Variants in SCAPER observed in about 807,000 individuals in gnomAD.
SCAPER encodes the protein S-phase cyclin A associated protein in the ER.
Under a neutral mutation model 182.2 loss-of-function variants are expected in SCAPER, and 98 were observed. The ratio of observed to expected loss-of-function variants is 0.54; its 90% CI spans 0.46 to 0.64. The LOEUF (loss-of-function observed/expected upper bound fraction) is 0.64, where lower values mean the gene tolerates loss of function less well. Ranked by LOEUF, SCAPER falls within the 30% of genes least tolerant of loss-of-function variation. The pLI, the probability that SCAPER is intolerant of heterozygous loss-of-function variation, is 0.00. For synonymous variants in SCAPER, 605 were observed against 564.6 expected, an observed-to-expected ratio of 1.07 and a Z score of -1.01; for missense variants, 1,432 against 1,690.0, an observed-to-expected ratio of 0.85 and a Z score of 2.68.
intron 21 of SCAPER, among the ~76,000 whole-genome samples, chr15:76,663,872 A>C (rs2056381195): frequency 6.6e-6 from 1 of 152,192 alleles, no homozygotes; most frequent in Admixed American, 6.6e-5. Context: ...ATCAATGAAA[A>C]AAGTCAATAG....
At chr15:76,417,954 G>C (rs954127063) in intron 26 of SCAPER, among the ~76,000 whole-genome samples, 32 of 152,112 alleles carry the variant, frequency 2.1e-4, no homozygotes, top group African/African-American at 7.5e-4. Context: ...GGAGGCGGAG[G>C]GTTCAGCGAG....
intron 2 of SCAPER, among the ~76,000 whole-genome samples, chr15:76,865,643 T>C (rs775724995): frequency 6.6e-6 from 1 of 152,048 alleles, no homozygotes; most frequent in Admixed American, 6.6e-5. Context: ...GGAATGACAA[T>C]AGGTGCTAAA....
At chr15:76,509,983 C>A (rs953803704) in intron 23 of SCAPER, among the ~76,000 whole-genome samples, 1 of 152,118 alleles carries the variant, frequency 6.6e-6, no homozygotes, top group Non-Finnish European at 1.5e-5. Context: ...GTAAAGGACA[C>A]CATATTCAAC....
chr15:76,811,081 A>G (rs2151576219), intron 5 of SCAPER, among the ~76,000 whole-genome samples: 1 of 151,584 alleles, frequency 6.6e-6, no homozygotes, highest in South Asian at 2.1e-4. Context: ...TCAATAATAG[A>G]AGACTGCAAT....
intron 14 of SCAPER, among the ~76,000 whole-genome samples, chr15:76,764,000 G>A (rs983474059): frequency 6.6e-6 from 1 of 151,420 alleles, no homozygotes; most frequent in African/African-American, 2.4e-5. Context: ...TTCTCTTGGT[G>A]GTATCAAGTT....
Position 76,728,716 on chromosome 15 carries a change from C to T in SCAPER, c.2044G>A (p.Ala682Thr). ...AVQERKRALE[A>T]ERQARVEELL... The stretch of plus-strand genomic sequence containing the variant: ...TCTTCTACACGGGCCTGCCGCTCTG[C>T]CTCTAGAGCTCTCTTGCGTTCCTAA... Residue 682 changes from alanine to threonine, a missense_variant, in exon 17 of 32, where the codon GCA becomes ACA. Ala to Thr is a moderately conservative substitution (Grantham distance 58, BLOSUM62 0). Around this residue, in one of 5 missense-constraint regions of SCAPER, gnomAD observed 88 missense variants for 184.2 expected, o/e 0.48. Transcript: ENST00000563290. 1 of 1,613,186 alleles carries T rather than the reference C, an allele frequency of 6.2e-7. No homozygotes were observed. The highest frequency in any genetic ancestry group is 8.5e-7 in the Non-Finnish European group (1 of 1,179,524).
At position 76,637,738 on chromosome 15, in the gene SCAPER, ATATATGTGTGTG is replaced by A. The variant is rs1425898204; in HGVS notation, c.2646-15921_2646-15910del. On this transcript the variant is annotated intron_variant, in intron 21 of 31. Coordinates refer to ENST00000563290, the MANE Select transcript of SCAPER (RefSeq NM_020843.4). ...TATATGTGATTATATATATATATAT[ATATATGTGTGTG>A]TGTGTGTGTGTGTGTGTGTGTGTGT... 1.0e-3 allele frequency among the ~76,000 whole-genome samples: 30 copies of A among 28,738 alleles called. 1 individual carries two copies. Among genetic ancestry groups the A allele is most frequent in the African/African-American group, 2.8e-3 (29 of 10,234 alleles). 18.9% of individuals were successfully genotyped at this position (28,738 alleles called of 152,430 possible).
At chr15:76,403,792 G>T (rs574865130) in intron 27 of SCAPER, among the ~76,000 whole-genome samples, 2 of 152,274 alleles carry the variant, frequency 1.3e-5, no homozygotes, top group South Asian at 4.1e-4. Flanking sequence ...AAAAATGGAG[G>T]CACTATTATC....
chr15:76,899,908 G>A (rs1286547331), intron 1 of SCAPER, among the ~76,000 whole-genome samples: 1 of 152,228 alleles, frequency 6.6e-6, no homozygotes, highest in Non-Finnish European at 1.5e-5. Flanking sequence ...AGAAAAGGGG[G>A]AAATGTGGGG....
chr15:76,351,228 G>T lies in SCAPER; in HGVS notation c.4099+9C>A. The T allele has an allele frequency of 1.2e-6, 2 of 1,605,694 alleles. No homozygotes were observed. Among genetic ancestry groups the T allele is most frequent in the Non-Finnish European group, 8.5e-7 (1 of 1,175,740 alleles). ...AAACACATGAAATTTAATTTCAATA[G>T]AGACATACCTTTGGGTTGGTAAGGC... On this transcript the variant is annotated intron_variant, in intron 31 of 31. Transcript: ENST00000563290.
intron 23 of SCAPER, chr15:76,567,249 T>C (rs1470466246): frequency 7.3e-6 from 3 of 413,310 alleles, no homozygotes; most frequent in African/African-American, 4.1e-5. Flanking sequence ...TGTTGAATAA[T>C]AGTCCATTAT....
At chr15:76,744,664 A>G (rs147777826) in intron 15 of SCAPER, among the ~76,000 whole-genome samples, 9 of 152,310 alleles carry the variant, frequency 5.9e-5, no homozygotes, top group African/African-American at 1.9e-4. Context: ...AGAAAAGGGA[A>G]CGCTTATACA....
At chr15:76,432,551 T>C (rs577381597) in intron 26 of SCAPER, among the ~76,000 whole-genome samples, 5 of 152,350 alleles carry the variant, frequency 3.3e-5, no homozygotes, top group Non-Finnish European at 7.3e-5. Context: ...TTGCATGGAT[T>C]TGGGGAGCCA....
intron 29 of SCAPER, among the ~76,000 whole-genome samples, chr15:76,366,458 T>C (rs2041827324): frequency 1.3e-5 from 2 of 152,238 alleles, no homozygotes; most frequent in Non-Finnish European, 2.9e-5. Context: ...AAAAATATAA[T>C]AGTCATCAAA....
At chr15:76,888,361 A>T (rs547513953) in intron 1 of SCAPER, among the ~76,000 whole-genome samples, 45 of 152,202 alleles carry the variant, frequency 3.0e-4, no homozygotes, top group Admixed American at 1.3e-4. Context: ...GAAGGTCGGT[A>T]ATAACAAACT....
intron 21 of SCAPER, among the ~76,000 whole-genome samples, chr15:76,628,199 G>T (rs186240112): frequency 1.9e-3 from 296 of 152,252 alleles, no homozygotes; most frequent in South Asian, 4.2e-3. Context: ...TAGATGCATA[G>T]ATTGCAAAAA....
At chr15:76,775,162 T>C (rs1206476400) in intron 8 of SCAPER, 45 bp from the exon 9 acceptor site, 2 of 1,506,928 alleles carry the variant, frequency 1.3e-6, no homozygotes, top group Admixed American at 4.8e-5. Flanking sequence ...ATTTAGATGA[T>C]AAAAATATTT....
chr15:76,799,238 A>G (rs1027360433), intron 7 of SCAPER, among the ~76,000 whole-genome samples: 1 of 152,012 alleles, frequency 6.6e-6, no homozygotes, highest in African/African-American at 2.4e-5. Flanking sequence ...ATTACTATTT[A>G]TGATTGAATA....
intron 15 of SCAPER, among the ~76,000 whole-genome samples, chr15:76,738,463 G>A (rs1482351291): frequency 1.3e-5 from 2 of 151,862 alleles, no homozygotes; most frequent in African/African-American, 2.4e-5. Flanking sequence ...TCGTGAACCC[G>A]GGAGGCGAAG....
Sources: gnomAD v4.1 joint callset for allele counts (sites outside exome capture counted in the v4.1 genomes callset) on GRCh38, gnomAD v4.1.1 for gene constraint, gnomAD v4.1.1 regional missense constraint, MANE v1.5 for transcripts, NCBI Gene and HGNC (gene_info 2026-07-23, HGNC 2026-07-21) for gene names.